Variants in RORA observed in about 807,000 individuals in gnomAD.
The protein encoded by RORA is RAR related orphan receptor A.
Under a neutral mutation model 69.5 loss-of-function variants are expected in RORA, and 7 were observed. The observed-to-expected ratio is 0.10, with a 90% CI of 0.06 to 0.19. RORA has a LOEUF of 0.19. RORA is among the 10% of genes least tolerant of loss of function. The probability of loss-of-function intolerance (pLI) is 1.00; values close to 1 mark genes in which losing one functional copy is unlikely to be tolerated. For synonymous variants in RORA, 261 were observed against 240.8 expected, an observed-to-expected ratio of 1.08 and a Z score of -0.78; for missense variants, 457 against 663.0, an observed-to-expected ratio of 0.69 and a Z score of 3.41.
At chr15:60,960,260 C>T (rs1342091549) in intron 1 of RORA, among the ~76,000 whole-genome samples, 3 of 152,176 alleles carry the variant, frequency 2.0e-5, no homozygotes, top group Non-Finnish European at 4.4e-5. Context: ...CATTAGCTTA[C>T]GGCTGGCACA....
intron 2 of RORA, among the ~76,000 whole-genome samples, chr15:60,664,433 C>A (rs1272230862): frequency 2.0e-5 from 3 of 152,160 alleles, no homozygotes; most frequent in Non-Finnish European, 2.9e-5. Flanking sequence ...TAAAGACTCC[C>A]ATCTGAGAAA....
intron 1 of RORA, among the ~76,000 whole-genome samples, chr15:60,744,263 T>C (rs2071617566): frequency 6.6e-6 from 1 of 152,200 alleles, no homozygotes; most frequent in Admixed American, 6.5e-5. Flanking sequence ...TGCTTTTAAA[T>C]TATTTTTGAA....
Position 60,899,479 on chromosome 15 carries a change from T to C in RORA, c.167-220793A>G, listed in dbSNP as rs183151698. Among the ~76,000 whole-genome samples, 137 of 152,272 alleles carry C rather than the reference T, an allele frequency of 9.0e-4. 1 individual carries two copies. Among genetic ancestry groups the C allele is most frequent in the Admixed American group, 3.5e-3 (53 of 15,288 alleles). On this transcript the variant is annotated intron_variant, in intron 1 of 10. Coordinates refer to ENST00000335670, the MANE Select transcript of RORA (RefSeq NM_134261.3). ...GTATAGTGACTGAGTGAAAAGTTAG[T>C]AATAAAAGGTAAGTGACCCAGACAG...
At chr15:60,914,877 C>T (rs1011558097) in intron 1 of RORA, among the ~76,000 whole-genome samples, 3 of 152,176 alleles carry the variant, frequency 2.0e-5, no homozygotes, top group African/African-American at 7.2e-5. Flanking sequence ...AGTGGGCCAT[C>T]CAGGAAGAAG....
chr15:61,180,051 C>T (rs927055064), intron 1 of RORA, among the ~76,000 whole-genome samples: 7 of 143,940 alleles, frequency 4.9e-5, no homozygotes, highest in South Asian at 2.2e-4. Context: ...GGCTGTGGCA[C>T]GAGAATCACT....
chr15:60,821,169 C>T (rs910045129), intron 1 of RORA, among the ~76,000 whole-genome samples: 2 of 152,206 alleles, frequency 1.3e-5, no homozygotes, highest in Non-Finnish European at 2.9e-5. Context: ...AGGGATCCAT[C>T]TTCCACTGGA....
rs556960824 is a variant in RORA, at chr15:61,160,110, A to G, written c.166+68943T>C. Among the ~76,000 whole-genome samples the G allele has an allele frequency of 1.5e-4, 23 of 152,340 alleles. No individual in the cohort carries two copies. In the South Asian group the frequency reaches 1.9e-3, roughly 12 times the overall value. On this transcript the variant is annotated intron_variant, in intron 1 of 10. Coordinates refer to ENST00000335670, the MANE Select transcript of RORA (RefSeq NM_134261.3). ...GTTGTTGAGAAGAATAAAAGAAATG[A>G]TGTGACAATGTTATACAAACTTAAA...
chr15:61,181,464 A>G (rs2079685086), intron 1 of RORA: 1 of 152,184 alleles, frequency 6.6e-6, no homozygotes, highest in Admixed American at 6.5e-5. Context: ...AAGCAGCACT[A>G]AAGTGAAAAA....
intron 1 of RORA, among the ~76,000 whole-genome samples, chr15:60,940,197 T>C (rs1892649972): frequency 6.6e-6 from 1 of 152,138 alleles, no homozygotes; most frequent in Admixed American, 6.5e-5. Flanking sequence ...ATTAGATCAC[T>C]GAAAGAAATT....
chr15:60,811,703 A>G (rs1030595998), intron 1 of RORA, among the ~76,000 whole-genome samples: 1 of 152,176 alleles, frequency 6.6e-6, no homozygotes, highest in Non-Finnish European at 1.5e-5. Context: ...GGCATTTATT[A>G]TTACCCACAT....
rs140983002 is a variant in RORA at position 61,183,459 on chromosome 15, C to T, written c.166+45594G>A. The stretch of plus-strand genomic sequence containing the variant: ...CTGAGGCAGGAAAATCGCTTGAACC[C>T]GGGAGGGAGAAGTTGCAGTGAGCCT... On this transcript the variant is annotated intron_variant, in intron 1 of 10. Transcript: ENST00000335670. 4.7e-4 allele frequency among the ~76,000 whole-genome samples: 70 copies of T among 148,522 alleles called. 2 individuals carry two copies. The East Asian group carries it at 0.013, about 27-fold the overall frequency.
At chr15:60,897,614 C>T (rs1891264866) in intron 1 of RORA, among the ~76,000 whole-genome samples, 1 of 152,152 alleles carries the variant, frequency 6.6e-6, no homozygotes, top group Admixed American at 6.5e-5. Flanking sequence ...GGATAGATGC[C>T]CTGCAGCTAA....
At chr15:60,515,016 G>A (rs2065818228) in intron 3 of RORA, among the ~76,000 whole-genome samples, 1 of 152,114 alleles carries the variant, frequency 6.6e-6, no homozygotes, top group South Asian at 2.1e-4. Flanking sequence ...ATGTAAAAAG[G>A]CACAGGACCA....
At chr15:60,668,806 G>A (rs969209764) in intron 2 of RORA, among the ~76,000 whole-genome samples, 9 of 152,264 alleles carry the variant, frequency 5.9e-5, no homozygotes, top group African/African-American at 2.2e-4. Context: ...GCCTCATCAG[G>A]ACCTTGGTAT....
At chr15:61,002,861 G>A (rs1188834648) in intron 1 of RORA, among the ~76,000 whole-genome samples, 1 of 151,976 alleles carries the variant, frequency 6.6e-6, no homozygotes, top group African/African-American at 2.4e-5. Context: ...GCCGGGCATG[G>A]TGGCTCACGC....
chr15:60,656,388 C>T (rs955869250), intron 2 of RORA, among the ~76,000 whole-genome samples: 3 of 152,098 alleles, frequency 2.0e-5, no homozygotes, highest in Admixed American at 6.5e-5. Context: ...GCCTTCAAGG[C>T]GTTTACAATT....
At chr15:61,125,840 A>T (rs1162738521) in intron 1 of RORA, among the ~76,000 whole-genome samples, 2 of 152,190 alleles carry the variant, frequency 1.3e-5, no homozygotes, top group East Asian at 1.9e-4. Context: ...GCACATTCTT[A>T]AAAAATCAAT....
At chr15:60,567,663 G>C (rs774677512) in intron 2 of RORA, among the ~76,000 whole-genome samples, 20 of 152,044 alleles carry the variant, frequency 1.3e-4, no homozygotes, top group Non-Finnish European at 2.5e-4. Flanking sequence ...CGCCTGCCTT[G>C]GCCTCTCAAA....
At chr15:61,115,936 G>T (rs138598247) in intron 1 of RORA, among the ~76,000 whole-genome samples, 190 of 152,298 alleles carry the variant, frequency 1.2e-3, no homozygotes, top group African/African-American at 4.5e-3. Flanking sequence ...GCAGAAAAAA[G>T]TGAGCTGTGT....
Sources: allele counts gnomAD v4.1 joint callset (sites outside exome capture counted in the v4.1 genomes callset), GRCh38; gene constraint gnomAD v4.1.1; transcripts MANE v1.5; gene names NCBI Gene and HGNC (gene_info 2026-07-23, HGNC 2026-07-21).